DUS3L: variants seen among roughly 807,000 people sequenced by gnomAD.
DUS3L encodes the protein dihydrouridine synthase 3 like, also known as tRNA-dihydrouridine(47) synthase [NAD(P)(+)]-like.
In DUS3L, 62 loss-of-function variants were observed where a neutral mutation model predicts 74.6. That is an observed-to-expected ratio of 0.83 (90% CI 0.68 to 1.03). The LOEUF (loss-of-function observed/expected upper bound fraction) is 1.03. Ranked by LOEUF, DUS3L falls within the 50% of genes least tolerant of loss-of-function variation. The probability of loss-of-function intolerance (pLI) is 0.00; values close to 1 mark genes in which losing one functional copy is unlikely to be tolerated. For synonymous variants in DUS3L, 433 were observed against 395.7 expected, an observed-to-expected ratio of 1.09 and a Z score of -1.12; for missense variants, 884 against 924.4, an observed-to-expected ratio of 0.96 and a Z score of 0.57.
intron 1 of DUS3L, 36 bp from the exon 2 acceptor site, chr19:5,790,371 A>G: frequency 1.2e-6 from 2 of 1,612,074 alleles, no homozygotes; most frequent in Non-Finnish European, 8.5e-7. Context: ...CCCTCCGAAC[A>G]TAGTCAATAA....
chr19:5,789,302 G>T lies in DUS3L; in HGVS notation c.805C>A (p.Pro269Thr), dbSNP rs749879527. 2.4e-5 allele frequency: 38 copies of T among 1,602,906 alleles called. No individual in the cohort carries two copies. Among genetic ancestry groups the T allele is most frequent in the Non-Finnish European group, 3.1e-5 (37 of 1,175,124 alleles). ...NCGAQQVPAG[P>T]GTSTPPSSPV... is the part of the protein sequence containing the mutation. ...CTGCTGGGAGGGGTGCTAGTGCCCG[G>T]CCCTGCGGGGACCTGCTGGGCACCA... Residue 269 changes from proline (P) to threonine (T), a missense_variant, in exon 3 of 13, where the codon CCG (proline) becomes ACG (threonine). By Grantham distance (38) the Pro-to-Thr change is conservative (BLOSUM62 -1). Coordinates refer to ENST00000309061, the MANE Select transcript of DUS3L (RefSeq NM_020175.3).
chr19:5,789,380 C>CA lies in DUS3L; in HGVS notation c.726dup (p.Ala243CysfsTer30), dbSNP rs2056886628. The CA allele has an allele frequency of 6.3e-7, 1 of 1,592,282 alleles. No individual in the cohort carries two copies. The highest frequency in any genetic ancestry group is 1.3e-5 in the African/African-American group (1 of 74,462). On this transcript the variant is annotated frameshift_variant, in exon 3 of 13. Coordinates refer to ENST00000309061, the MANE Select transcript of DUS3L (RefSeq NM_020175.3). LOFTEE classifies it high-confidence loss of function. ...GCTGCCGTGCCCTCGGGGACAGCGG[C>CA]AGCGGGTGTGGGGCCCTGGCTGAAC...
Position 5,785,274 on chromosome 19 carries a change from C to T in DUS3L, c.1882G>A (p.Glu628Lys), listed in dbSNP as rs1187650393. Residue 628 changes from glutamate to lysine, a missense_variant and splice_region_variant, in exon 13 of 13, where the codon GAG (glutamate) becomes AAG (lysine). Coordinates refer to ENST00000309061, the MANE Select transcript of DUS3L (RefSeq NM_020175.3). ...QKAADWIRIS[E>K]MLLGPVPPSF... ...GGGGGCACTGGCCCAAGGAGCATCT[C>T]GCTGTGGGAGAGCAGGTGGAAAGCG... 23 of 1,610,950 alleles carry T rather than the reference C, an allele frequency of 1.4e-5. No individual in the cohort carries two copies. Among genetic ancestry groups the T allele is most frequent in the East Asian group, 8.9e-5 (4 of 44,846 alleles).
Position 5,787,645 on chromosome 19 carries a change from C to G in DUS3L, c.1156G>C (p.Glu386Gln), listed in dbSNP as rs776769215. ...KCAELLSRTV[E>Q]VDFVDINVGC... ...ACGTTGATGTCCACAAAGTCCACCT[C>G]CACGGTGCGGCTCAGCAGCTCGGCA... Residue 386 changes from glutamate (E) to glutamine (Q), a missense_variant, in exon 6 of 13, where the codon GAG (glutamate) becomes CAG (glutamine). Transcript: ENST00000309061. 14 of 1,613,888 alleles carry G rather than the reference C, an allele frequency of 8.7e-6. No homozygotes were observed. The East Asian group carries it at 2.9e-4, about 33-fold the overall frequency.
chr19:5,790,744 A>G (rs1279984871), intron 1 of DUS3L: 5 of 562,526 alleles, frequency 8.9e-6, no homozygotes, highest in Non-Finnish European at 1.3e-5. Context: ...CCGCTGGCAG[A>G]GCACATGCGC....
intron 4 of DUS3L, 64 bp downstream of exon 4, chr19:5,788,293 A>T: frequency 6.2e-7 from 1 of 1,612,044 alleles, no homozygotes; most frequent in East Asian, 2.2e-5. Flanking sequence ...ACAGACACTA[A>T]GCCCTGTTGG....
intron 4 of DUS3L, 55 bp downstream of exon 4, chr19:5,788,302 G>A: frequency 1.2e-6 from 2 of 1,612,390 alleles, no homozygotes; most frequent in Non-Finnish European, 1.7e-6. Context: ...AAGCCCTGTT[G>A]GAATGACCAC....
Position 5,787,027 on chromosome 19 carries a change from G to A in DUS3L, c.1389+34C>T, listed in dbSNP as rs754509334. On this transcript the variant is annotated intron_variant, in intron 8 of 12. Transcript: ENST00000309061. ...TAGGAAGGGACGCGGGGTCGACCGC[G>A]AGGCCCCAATGCCCGAGGCGTCCCA... is the stretch of plus-strand genomic sequence containing the variant. The A allele has an allele frequency of 1.7e-5, 25 of 1,511,532 alleles. No homozygotes were observed. In the South Asian group the frequency reaches 2.1e-4, roughly 13 times the overall value. The allele number at this position is 1,511,532 out of a possible 1,614,324, so 93.6% of individuals were successfully genotyped here.
intron 3 of DUS3L, 176 bp downstream of exon 3, chr19:5,789,031 C>T: frequency 2.1e-6 from 2 of 966,354 alleles, no homozygotes; most frequent in Non-Finnish European, 2.8e-6. Flanking sequence ...CTGTCCCCAC[C>T]TCCTGAGGGC....
At position 5,787,333 on chromosome 19, in the gene DUS3L, G is replaced by T; in HGVS notation, c.1241C>A (p.Ser414Tyr). 6.6e-7 allele frequency: 1 copy of T among 1,511,982 alleles called. No individual in the cohort carries two copies. The highest frequency in any genetic ancestry group is 2.0e-5 in the Admixed American group (1 of 50,866). 93.7% of individuals were successfully genotyped at this position (1,511,982 alleles called of 1,614,324 possible). The change falls in exon 7 of 13, where the codon TCC becomes TAC. Residue 414 changes from serine (S) to tyrosine (Y), a missense_variant. Coordinates refer to ENST00000309061, the MANE Select transcript of DUS3L (RefSeq NM_020175.3). ...ACGGACGATCTGCTGGAACTTGGTG[G>T]AGCGATTCATGAGGGCACAGCCCCC... Reference protein sequence around the residue: ...KGGGCALMNRSTKFQQIVRGM... With the variant: ...KGGGCALMNRYTKFQQIVRGM...
At chr19:5,789,821 C>T in intron 2 of DUS3L, 102 bp from the exon 3 acceptor site, 1 of 1,469,414 alleles carries the variant, frequency 6.8e-7, no homozygotes, top group South Asian at 1.3e-5. Context: ...CTCTTGTGTC[C>T]CTGAGCAAGT....
chr19:5,785,465 C>G lies in DUS3L; in HGVS notation c.1798G>C (p.Glu600Gln), dbSNP rs375224330. The G allele has an allele frequency of 1.3e-6, 2 of 1,583,764 alleles. No homozygotes were observed. The highest frequency in any genetic ancestry group is 1.7e-6 in the Non-Finnish European group (2 of 1,165,004). The change falls in exon 12 of 13, where the codon GAG (glutamate) becomes CAG (glutamine). Residue 600 changes from glutamate to glutamine, a missense_variant. Glu to Gln is a conservative substitution (Grantham distance 29, BLOSUM62 2). Coordinates refer to ENST00000309061, the MANE Select transcript of DUS3L (RefSeq NM_020175.3). ...CGGCCCAGGTAGTAGGGCGGCCGCT[C>G]GTTGATCCTCTGTGGGAGCCGCTCC... Reference protein sequence around the residue: ...LLERLPQRINERPPYYLGRDY... With the variant: ...LLERLPQRINQRPPYYLGRDY...
Position 5,785,639 on chromosome 19 carries a change from C to A in DUS3L, c.1715G>T (p.Arg572Leu), listed in dbSNP as rs752389825. 6.2e-7 allele frequency: 1 copy of A among 1,611,212 alleles called. No individual in the cohort carries two copies. Among genetic ancestry groups the A allele is most frequent in the South Asian group, 1.1e-5 (1 of 90,972 alleles). Reference sequence around the variant, plus strand: ...GGACAGCCACTCGAGCAGAAAGCGCCGGGTCTTCTCCACGCCCTGCGTGTC... The same window carrying A: ...GGACAGCCACTCGAGCAGAAAGCGCAGGGTCTTCTCCACGCCCTGCGTGTC... Reference protein sequence around the residue: ...GSDTQGVEKTRRFLLEWLSFL... With the variant: ...GSDTQGVEKTLRFLLEWLSFL... The change falls in exon 11 of 13, where the codon CGG becomes CTG. Residue 572 changes from arginine to leucine, a missense_variant. Coordinates refer to ENST00000309061, the MANE Select transcript of DUS3L (RefSeq NM_020175.3).
intron 9 of DUS3L, 43 bp from the exon 10 acceptor site, chr19:5,786,585 T>G (rs1004542091): frequency 6.2e-7 from 1 of 1,604,294 alleles, no homozygotes. Context: ...CATGGGCAGG[T>G]GGGACCCTGG....
chr19:5,789,576 G>GCAGGTCA lies in DUS3L; in HGVS notation c.524_530dup (p.Arg178AspfsTer54). 6.3e-7 allele frequency: 1 copy of GCAGGTCA among 1,588,902 alleles called. No homozygotes were observed. Among genetic ancestry groups the GCAGGTCA allele is most frequent in the Non-Finnish European group, 8.5e-7 (1 of 1,170,456 alleles). ...GCCTCAGGTGGGCCCCAGCGAAGCG[G>GCAGGTCA]CAGGTCACGCCGTAGGGGCACCGGC... On this transcript the variant is annotated frameshift_variant, in exon 3 of 13. Transcript: ENST00000309061. LOFTEE classifies it high-confidence loss of function.
rs560579280 is a variant in DUS3L at position 5,786,432 on chromosome 19, A to G, written c.1562+35T>C. ...TGGGTTCAGGGCACTGCTGCTGTGC[A>G]TGAAGCTGGATCTCTAACATCCCTG... On this transcript the variant is annotated intron_variant, in intron 10 of 12. Coordinates refer to ENST00000309061, the MANE Select transcript of DUS3L (RefSeq NM_020175.3). 1.1e-5 allele frequency: 17 copies of G among 1,605,458 alleles called. 1 individual carries two copies. In the South Asian group the frequency reaches 1.7e-4, roughly 16 times the overall value.
Position 5,788,163 on chromosome 19 carries a change from G to T in DUS3L, c.956C>A (p.Pro319His). 1 of 1,613,440 alleles carries T rather than the reference G, an allele frequency of 6.2e-7. No homozygotes were observed. Residue 319 changes from proline (P) to histidine (H), a missense_variant, in exon 5 of 13, where the codon CCC becomes CAC. Coordinates refer to ENST00000309061, the MANE Select transcript of DUS3L (RefSeq NM_020175.3). The part of the protein sequence containing the change: ...LAPLTTCGNL[P>H]FRRICKRFGA... Reference sequence around the variant, plus strand: ...GAAGCGCTTGCAGATCCGTCGGAAGGGCAGGTTCCCACACTGCGGGGGGAG... The same window carrying T: ...GAAGCGCTTGCAGATCCGTCGGAAGTGCAGGTTCCCACACTGCGGGGGGAG...
At chr19:5,785,910 A>T in intron 10 of DUS3L, 119 bp from the exon 11 acceptor site, 1 of 1,113,592 alleles carries the variant, frequency 9.0e-7, no homozygotes, top group Non-Finnish European at 1.2e-6. Flanking sequence ...AAGCCTAGTA[A>T]GCCTCCCAGC....
intron 3 of DUS3L, 64 bp downstream of exon 3, chr19:5,789,143 C>A: frequency 1.3e-6 from 2 of 1,493,794 alleles, no homozygotes; most frequent in African/African-American, 1.4e-5. Context: ...GTGGACACAG[C>A]TGGTATTTAA....
Sources: gnomAD v4.1 joint callset for allele counts on GRCh38, gnomAD v4.1.1 for gene constraint, MANE v1.5 for transcripts, NCBI Gene and HGNC (gene_info 2026-07-23, HGNC 2026-07-21) for gene names.